The following ALMS1 variants were observed in gnomAD, a reference collection of about 807,000 sequenced individuals.
The protein encoded by ALMS1 is ALMS1 centrosome and basal body associated protein.
ALMS1 carries 271 observed loss-of-function variants against 352.2 expected under a neutral mutation model. That is an observed-to-expected ratio of 0.77 (90% confidence interval 0.70 to 0.85). ALMS1 has a LOEUF of 0.85. ALMS1 is among the 40% of genes least tolerant of loss of function. ALMS1 has a pLI of 0.00. For synonymous variants in ALMS1, 1,865 were observed against 1,761.2 expected (o/e 1.06, Z -1.48); for missense variants, 5,445 against 4,870.7 (o/e 1.12, Z -3.51).
rs373586405 is a variant in ALMS1 at position 73,453,932 on chromosome 2, G to A, written c.7405G>A (p.Glu2469Lys). 4 of 1,614,106 alleles carry A rather than the reference G, an allele frequency of 2.5e-6. No individual in the cohort carries two copies. Among genetic ancestry groups the A allele is most frequent in the Non-Finnish European group, 3.4e-6 (4 of 1,180,016 alleles). The change falls in exon 8 of 23, where the codon GAG becomes AAG. Residue 2469 changes from glutamate (E) to lysine (K), a missense_variant. Glu to Lys is a moderately conservative substitution (Grantham distance 56). Transcript: ENST00000613296. ...GGAGGAAGAGGGTGTGTCAGAGAGT[G>A]AGGATGGTGGTGGTAGCAGTGTAGA... is the stretch of plus-strand genomic sequence containing the variant. ...SREEEGVSESEDGGGSSVDSL... is the reference protein window; with the variant it reads ...SREEEGVSESKDGGGSSVDSL...
At chr2:73,443,893 T>C (rs1283199674) in intron 7 of ALMS1, among the ~76,000 whole-genome samples, 1 of 152,242 alleles carries the variant, frequency 6.6e-6, no homozygotes, top group Non-Finnish European at 1.5e-5. Flanking sequence ...TAGTGTCTTA[T>C]CACTATTTTA....
chr2:73,601,122 T>G lies in ALMS1; in HGVS notation c.11873-73T>G. Reference sequence around the variant, plus strand: ...CCTGAGAACCTGTATTATATGCATATCCTGGATAAGAGCTGGGTGGGGCTG... The same window carrying G: ...CCTGAGAACCTGTATTATATGCATAGCCTGGATAAGAGCTGGGTGGGGCTG... On this transcript the variant is annotated intron_variant, in intron 18 of 22. Coordinates refer to ENST00000613296, the MANE Select transcript of ALMS1 (RefSeq NM_001378454.1). The G allele has an allele frequency of 1.9e-6, 3 of 1,604,664 alleles. No individual in the cohort carries two copies. The South Asian group carries it at 3.3e-5, about 18-fold the overall frequency.
intron 7 of ALMS1, among the ~76,000 whole-genome samples, chr2:73,434,064 C>G (rs1032412378): frequency 6.6e-6 from 1 of 151,620 alleles, no homozygotes; most frequent in Non-Finnish European, 1.5e-5. Context: ...AAACTGGTTT[C>G]TTTATTTTTT....
chr2:73,601,525 G>C, intron 19 of ALMS1, 89 bp downstream of exon 19: 2 of 1,552,508 alleles, frequency 1.3e-6, no homozygotes, highest in Non-Finnish European at 1.7e-6. Context: ...TTGGTGAGCT[G>C]AGGTGTAGGC....
chr2:73,556,904 G>A (rs750122052), intron 13 of ALMS1, among the ~76,000 whole-genome samples: 4 of 151,956 alleles, frequency 2.6e-5, no homozygotes, highest in African/African-American at 9.7e-5. Context: ...GTTTCACCGT[G>A]TTGGCCAGGC....
chr2:73,425,324 A>G (rs750199018), intron 5 of ALMS1, among the ~76,000 whole-genome samples: 2 of 152,212 alleles, frequency 1.3e-5, no homozygotes, highest in African/African-American at 2.4e-5. Flanking sequence ...GAAATAATTT[A>G]GTATCTTCAG....
At chr2:73,492,476 T>C (rs1227940646) in intron 10 of ALMS1, among the ~76,000 whole-genome samples, 1 of 152,228 alleles carries the variant, frequency 6.6e-6, no homozygotes, top group Non-Finnish European at 1.5e-5. Flanking sequence ...AAATGCATTC[T>C]GTTTAATCAG....
intron 15 of ALMS1, among the ~76,000 whole-genome samples, chr2:73,568,037 A>C (rs2104091443): frequency 6.6e-6 from 1 of 152,320 alleles, no homozygotes; most frequent in East Asian, 1.9e-4. Context: ...AATCAATGAC[A>C]GCCTAAAAGG....
Position 73,449,995 on chromosome 2 carries a change from G to T in ALMS1, c.3468G>T (p.Gln1156His). 1 of 1,612,794 alleles carries T rather than the reference G, an allele frequency of 6.2e-7. No homozygotes were observed. Among genetic ancestry groups the T allele is most frequent in the Non-Finnish European group, 8.5e-7 (1 of 1,179,546 alleles). ...QHREKPSIFH[Q>H]QALPGTHIPE... The stretch of plus-strand genomic sequence containing the variant: ...GAGAAAAGCCCAGCATTTTCCACCA[G>T]CAGGCCTTGCCAGGTACTCATATAC... Residue 1156 changes from glutamine to histidine, a missense_variant, in exon 8 of 23, where the codon CAG becomes CAT. Physicochemically the swap from Gln to His is conservative, Grantham distance 24. Transcript: ENST00000613296.
Position 73,490,448 on chromosome 2 carries a change from G to A in ALMS1, c.8489G>A (p.Cys2830Tyr), listed in dbSNP as rs369720907. 12 of 1,614,026 alleles carry A rather than the reference G, an allele frequency of 7.4e-6. No individual in the cohort carries two copies. Among genetic ancestry groups the A allele is most frequent in the South Asian group, 1.1e-5 (1 of 91,088 alleles). Reference protein sequence around the residue: ...SHSEPSTRANCSNFKEIQISD... With the variant: ...SHSEPSTRANYSNFKEIQISD... ...TCTGAGCCCAGTACCAGGGCAAATT[G>A]TAGCAATTTCAAGGAAATTCAGATT... The change falls in exon 10 of 23, where the codon TGT becomes TAT. Residue 2830 changes from cysteine to tyrosine, a missense_variant. Cys to Tyr is a radical substitution (Grantham distance 194). Coordinates refer to ENST00000613296, the MANE Select transcript of ALMS1 (RefSeq NM_001378454.1).
intron 15 of ALMS1, among the ~76,000 whole-genome samples, chr2:73,562,842 A>G (rs1218004235): frequency 6.6e-6 from 1 of 152,038 alleles, no homozygotes; most frequent in Admixed American, 6.6e-5. Flanking sequence ...AGCTGAGATC[A>G]TGCCATTGCA....
In ALMS1 at chr2:73,491,341, G is replaced by T. The variant is rs764937531; in HGVS notation, c.9382G>T (p.Val3128Leu). The change falls in exon 10 of 23, where the codon GTA (valine) becomes TTA (leucine). Residue 3128 changes from valine to leucine, a missense_variant. Physicochemically the swap from Val to Leu is conservative, Grantham distance 32. Transcript: ENST00000613296. Reference sequence around the variant, plus strand: ...TAAATCTTCACTGGATTTCCAAGTCGTACAGCCTTCTCTTCCAGACAGTAA... The same window carrying T: ...TAAATCTTCACTGGATTTCCAAGTCTTACAGCCTTCTCTTCCAGACAGTAA... ...GPKSSLDFQV[V>L]QPSLPDSNTI... 1 of 1,614,138 alleles carries T rather than the reference G, an allele frequency of 6.2e-7. No homozygotes were observed.
intron 9 of ALMS1, among the ~76,000 whole-genome samples, chr2:73,482,569 GT>G (rs1349817025): frequency 6.6e-6 from 1 of 152,114 alleles, no homozygotes; most frequent in Non-Finnish European, 1.5e-5. Flanking sequence ...CCTGGCTTTG[GT>G]ATCAGAATGA....
chr2:73,577,589 T>A (rs778922164), intron 16 of ALMS1, among the ~76,000 whole-genome samples: 5 of 152,158 alleles, frequency 3.3e-5, no homozygotes, highest in Non-Finnish European at 7.4e-5. Context: ...AGATAAGTTC[T>A]GCCTTCATTG....
Position 73,447,342 on chromosome 2 carries a change from G to A in ALMS1, c.1433-618G>A, listed in dbSNP as rs183940676. Among the ~76,000 whole-genome samples, 900 of 152,146 alleles carry A rather than the reference G, an allele frequency of 5.9e-3. 4 individuals are homozygous for A. The highest frequency in any genetic ancestry group is 9.1e-3 in the South Asian group (44 of 4,822). ...TGTAAACAACTTGCCATGCTATACA[G>A]AATTAAGTTAAAACTCTTCAGAGTA... On this transcript the variant is annotated intron_variant, in intron 7 of 22. Transcript: ENST00000613296.
chr2:73,412,528 G>A (rs554395738), intron 2 of ALMS1, among the ~76,000 whole-genome samples: 5 of 152,206 alleles, frequency 3.3e-5, no homozygotes, highest in Non-Finnish European at 5.9e-5. Flanking sequence ...GGTGGCTCAC[G>A]CCTGTAATCC....
At chr2:73,526,869 C>T (rs1025892025) in intron 11 of ALMS1, among the ~76,000 whole-genome samples, 3 of 152,136 alleles carry the variant, frequency 2.0e-5, no homozygotes, top group Admixed American at 1.3e-4. Flanking sequence ...GAAAGGCTTT[C>T]AGTTTCTTCC....
intron 1 of ALMS1, among the ~76,000 whole-genome samples, chr2:73,400,869 C>T (rs1247414296): frequency 1.3e-5 from 2 of 152,156 alleles, no homozygotes; most frequent in African/African-American, 4.8e-5. Context: ...TCACTGCAAC[C>T]TCTGCCTCCT....
intron 12 of ALMS1, among the ~76,000 whole-genome samples, chr2:73,546,761 G>A (rs913646780): frequency 3.9e-5 from 6 of 152,212 alleles, no homozygotes; most frequent in African/African-American, 1.4e-4. Context: ...GAAAGCCCCT[G>A]AAGCAGAAAA....
Sources: gnomAD v4.1 joint callset for allele counts (sites outside exome capture counted in the v4.1 genomes callset) on GRCh38, gnomAD v4.1.1 for gene constraint, MANE v1.5 for transcripts, NCBI Gene and HGNC (gene_info 2026-07-23, HGNC 2026-07-21) for gene names.